BANP: variants seen among roughly 807,000 people sequenced by gnomAD.
The protein encoded by BANP is protein BANP.
In BANP, 11 loss-of-function variants were observed where a neutral mutation model predicts 68.1. That is an observed-to-expected ratio of 0.16 (90% confidence interval 0.10 to 0.27). The LOEUF (loss-of-function observed/expected upper bound fraction) is 0.27. Among genes scored for constraint, BANP ranks in the 10% least tolerant of loss-of-function variants. The probability of loss-of-function intolerance (pLI) is 1.00; values close to 1 mark genes in which losing one functional copy is unlikely to be tolerated. For missense variants in BANP, 504 were observed against 722.7 expected, an observed-to-expected ratio of 0.70 and a Z score of 3.47; for synonymous variants, 329 against 303.2, an observed-to-expected ratio of 1.09 and a Z score of -0.88.
At position 88,064,593 on chromosome 16, in the gene BANP, T is replaced by C. The variant is rs1567921166; in HGVS notation, c.1312-674T>C. Reference sequence around the variant, plus strand: ...AGGGCATCGCCAGGCTGGGCGCCTGTGTGGCACCACGTGGCACTCCCCGAG... The same window carrying C: ...AGGGCATCGCCAGGCTGGGCGCCTGCGTGGCACCACGTGGCACTCCCCGAG... On this transcript the variant is annotated intron_variant, in intron 11 of 13. Transcript: ENST00000682872. The surrounding 1 kb of genome is among the most constrained non-coding windows in gnomAD (Gnocchi z 4.5). 6.6e-6 allele frequency among the ~76,000 whole-genome samples: 1 copy of C among 152,230 alleles called. No individual in the cohort carries two copies. The highest frequency in any genetic ancestry group is 1.5e-5 in the Non-Finnish European group (1 of 68,020).
At chr16:88,060,339 T>C (rs527548318) in intron 11 of BANP, among the ~76,000 whole-genome samples, 1 of 152,304 alleles carries the variant, frequency 6.6e-6, no homozygotes, top group East Asian at 1.9e-4. Flanking sequence ...GGATGGTCAG[T>C]GTGGGGCTGA....
At chr16:88,021,005 C>T (rs2075932882) in intron 7 of BANP, among the ~76,000 whole-genome samples, 2 of 152,150 alleles carry the variant, frequency 1.3e-5, no homozygotes, top group South Asian at 2.1e-4. Flanking sequence ...GGGCAGGCTG[C>T]GATTCCTTGC....
chr16:88,042,916 C>A (rs1267934219), intron 11 of BANP, among the ~76,000 whole-genome samples: 1 of 152,138 alleles, frequency 6.6e-6, no homozygotes, highest in Non-Finnish European at 1.5e-5. Context: ...GACCCTGTCT[C>A]AAAATAAATG....
chr16:88,016,731 C>T (rs1192574939), intron 6 of BANP, among the ~76,000 whole-genome samples: 3 of 152,224 alleles, frequency 2.0e-5, no homozygotes, highest in Non-Finnish European at 4.4e-5. Context: ...CGTTTTGCTC[C>T]TCATATACAG....
In BANP at chr16:87,975,080, C is replaced by T. The variant is rs2061770787; in HGVS notation, c.-36C>T. On this transcript the variant is annotated 5_prime_UTR_variant, in exon 2 of 14. Coordinates refer to ENST00000682872, the MANE Select transcript of BANP (RefSeq NM_001386991.1). ...AAAGCCAGCCCCACTGTGAGTTGAA[C>T]TCTTTCGTGTTGACCGGCCACTCTC... is the stretch of plus-strand genomic sequence containing the variant. 1 of 1,592,508 alleles carries T rather than the reference C, an allele frequency of 6.3e-7. No individual in the cohort carries two copies. Among genetic ancestry groups the T allele is most frequent in the African/African-American group, 1.4e-5 (1 of 73,714 alleles).
chr16:88,063,276 C>T (rs2087429166), intron 11 of BANP, among the ~76,000 whole-genome samples: 1 of 152,222 alleles, frequency 6.6e-6, no homozygotes, highest in East Asian at 1.9e-4. Flanking sequence ...TCTCAGCCCT[C>T]CCCTCCCCTC....
chr16:87,952,431 G>C (rs1271483984), intron 1 of BANP: 1 of 152,252 alleles, frequency 6.6e-6, no homozygotes, highest in Non-Finnish European at 1.5e-5. Flanking sequence ...GCCCTGTTTG[G>C]AGTTGCCTGT....
chr16:87,993,897 G>A (rs781558939), intron 4 of BANP, among the ~76,000 whole-genome samples: 2 of 152,126 alleles, frequency 1.3e-5, no homozygotes, highest in South Asian at 2.1e-4. Context: ...CACCATGCCC[G>A]GCCTGAGCAC....
Position 88,036,509 on chromosome 16 carries a change from G to C in BANP, c.1272+1115G>C, listed in dbSNP as rs1054360399. 6.6e-6 allele frequency among the ~76,000 whole-genome samples: 1 copy of C among 152,154 alleles called. No individual in the cohort carries two copies. Among genetic ancestry groups the C allele is most frequent in the East Asian group, 1.9e-4 (1 of 5,188 alleles). ...TGTGGACACATGCACGCCGTGGCAC[G>C]TGGAGCACCAGGGACTCGGGCGTGT... is the stretch of plus-strand genomic sequence containing the variant. On this transcript the variant is annotated intron_variant, in intron 10 of 13. Transcript: ENST00000682872. The surrounding 1 kb of genome is among the most constrained non-coding windows in gnomAD (Gnocchi z 4.2).
intron 1 of BANP, among the ~76,000 whole-genome samples, chr16:87,962,096 C>G (rs2059264042): frequency 6.6e-6 from 1 of 151,850 alleles, no homozygotes; most frequent in African/African-American, 2.4e-5. Flanking sequence ...AAAAATTAGC[C>G]TGGTGCAGTG....
At chr16:87,954,720 G>C (rs570723447) in intron 1 of BANP, among the ~76,000 whole-genome samples, 1 of 152,220 alleles carries the variant, frequency 6.6e-6, no homozygotes, top group African/African-American at 2.4e-5. Flanking sequence ...CTGTGCCCCC[G>C]GTGCTTTCCC....
intron 11 of BANP, among the ~76,000 whole-genome samples, chr16:88,040,898 T>C (rs1427970256): frequency 1.3e-5 from 2 of 152,266 alleles, no homozygotes; most frequent in African/African-American, 4.8e-5. Context: ...TGGCTTAGTA[T>C]TCCCTTCTGA....
At chr16:88,014,172 G>A (rs2073928586) in intron 6 of BANP, among the ~76,000 whole-genome samples, 1 of 152,252 alleles carries the variant, frequency 6.6e-6, no homozygotes, top group South Asian at 2.1e-4. Flanking sequence ...GCCACTGGTT[G>A]TGGAGGGAGG....
intron 11 of BANP, among the ~76,000 whole-genome samples, chr16:88,048,961 T>C (rs1203041535): frequency 3.9e-5 from 6 of 152,162 alleles, no homozygotes; most frequent in Admixed American, 3.9e-4. Flanking sequence ...CACTGGACTC[T>C]GGTGTTGGCA....
intron 11 of BANP, among the ~76,000 whole-genome samples, chr16:88,042,640 T>G (rs1371684898): frequency 8.5e-5 from 13 of 152,116 alleles, no homozygotes; most frequent in Non-Finnish European, 2.9e-5. Flanking sequence ...AAAAAAATGT[T>G]TTGTGCTGGC....
chr16:88,035,633 C>T (rs1322605419), intron 10 of BANP, among the ~76,000 whole-genome samples: 3 of 152,222 alleles, frequency 2.0e-5, no homozygotes, highest in Admixed American at 2.0e-4. Flanking sequence ...TAAAGATCTC[C>T]TGGGTAGATG....
intron 1 of BANP, among the ~76,000 whole-genome samples, chr16:87,967,954 G>A (rs8059432): frequency 6.7e-6 from 1 of 148,532 alleles, no homozygotes; most frequent in East Asian, 2.1e-4. Context: ...CAGGTTCACC[G>A]TGTTGGTCAG....
chr16:87,970,486 A>G (rs12926107), intron 1 of BANP, among the ~76,000 whole-genome samples: 43,121 of 152,160 alleles, frequency 0.28, 7,874 homozygotes, highest in Non-Finnish European at 0.43. Flanking sequence ...GAAACATTCT[A>G]TTGCTTATGA....
rs968193215 is a variant in BANP, at chr16:87,957,806, T to G, written c.-69+6291T>G. On this transcript the variant is annotated intron_variant, in intron 1 of 13. Coordinates refer to ENST00000682872, the MANE Select transcript of BANP (RefSeq NM_001386991.1). The surrounding 1 kb of genome is among the most constrained non-coding windows in gnomAD (Gnocchi z 4.3). Reference sequence around the variant, plus strand: ...TTTCACCAGATGACGCGGGGGGAATTGGGCCACGGTCCCTGCTGTCATCAT... The same window carrying G: ...TTTCACCAGATGACGCGGGGGGAATGGGGCCACGGTCCCTGCTGTCATCAT... 1.3e-5 allele frequency among the ~76,000 whole-genome samples: 2 copies of G among 152,166 alleles called. No homozygotes were observed. Among genetic ancestry groups the G allele is most frequent in the African/African-American group, 4.8e-5 (2 of 41,438 alleles).
Sources: gnomAD v4.1 joint callset for allele counts (sites outside exome capture counted in the v4.1 genomes callset) on GRCh38, gnomAD v4.1.1 for gene constraint, Gnocchi (gnomAD v3.1) non-coding constraint, MANE v1.5 for transcripts, NCBI Gene and HGNC (gene_info 2026-07-23, HGNC 2026-07-21) for gene names.